TSPAN12: variants seen among roughly 807,000 people sequenced by gnomAD.
TSPAN12 encodes the protein tetraspanin-12.
In TSPAN12, 19 loss-of-function variants were observed where a neutral mutation model predicts 39.2. The observed-to-expected ratio is 0.49, with a 90% CI of 0.34 to 0.71. TSPAN12 has a LOEUF of 0.71. Among genes scored for constraint, TSPAN12 ranks in the 30% least tolerant of loss-of-function variants. The probability of loss-of-function intolerance (pLI) is 0.01; values close to 1 mark genes in which losing one functional copy is unlikely to be tolerated. For synonymous variants in TSPAN12, 119 were observed against 124.8 expected (o/e 0.95, Z 0.31); for missense variants, 314 against 359.9 (o/e 0.87, Z 1.03).
At chr7:120,795,611 G>C (rs1369634418) in intron 7 of TSPAN12, among the ~76,000 whole-genome samples, 1 of 152,108 alleles carries the variant, frequency 6.6e-6, no homozygotes, top group Non-Finnish European at 1.5e-5. Context: ...TAAAATCTAG[G>C]TGCCAATACA....
chr7:120,836,830 T>C (rs774882290), intron 4 of TSPAN12, among the ~76,000 whole-genome samples: 1 of 152,180 alleles, frequency 6.6e-6, no homozygotes, highest in Non-Finnish European at 1.5e-5. Context: ...CACATTACTT[T>C]GTTGTTTGTC....
chr7:120,799,893 A>T (rs1038243086), intron 7 of TSPAN12, among the ~76,000 whole-genome samples: 1 of 142,366 alleles, frequency 7.0e-6, no homozygotes, highest in East Asian at 2.0e-4. Flanking sequence ...AAATATTAAT[A>T]AATATTTAAT....
At chr7:120,854,013 ATAGT>A (rs2116512073) in intron 2 of TSPAN12, among the ~76,000 whole-genome samples, 1 of 152,340 alleles carries the variant, frequency 6.6e-6, no homozygotes, top group Non-Finnish European at 1.5e-5. Flanking sequence ...TAAATATGAA[ATAGT>A]TAATGAATAT....
chr7:120,825,211 A>G (rs977915232), intron 4 of TSPAN12, among the ~76,000 whole-genome samples: 1 of 152,202 alleles, frequency 6.6e-6, no homozygotes, highest in Non-Finnish European at 1.5e-5. Flanking sequence ...ATCCCCCTCA[A>G]TAAGAATCTG....
intron 7 of TSPAN12, among the ~76,000 whole-genome samples, chr7:120,791,905 G>A (rs538090871): frequency 6.6e-6 from 1 of 152,214 alleles, no homozygotes; most frequent in African/African-American, 2.4e-5. Flanking sequence ...AAAAGCACTT[G>A]TAGAGTGACA....
In TSPAN12 at chr7:120,805,299, A is replaced by G. The variant is rs116670993; in HGVS notation, c.612+1250T>C. On this transcript the variant is annotated intron_variant, in intron 7 of 7. Transcript: ENST00000222747. Reference sequence around the variant, plus strand: ...CAGCATTCTTTTAATTAATTACAACATCCAAATTAATTAATTTACAATATA... The same window carrying G: ...CAGCATTCTTTTAATTAATTACAACGTCCAAATTAATTAATTTACAATATA... Among the ~76,000 whole-genome samples the G allele has an allele frequency of 3.6e-3, 549 of 152,234 alleles. 2 individuals carry two copies. Among genetic ancestry groups the G allele is most frequent in the African/African-American group, 0.012 (518 of 41,560 alleles).
At chr7:120,828,620 GACA>G (rs1437455418) in intron 4 of TSPAN12, among the ~76,000 whole-genome samples, 4 of 145,934 alleles carry the variant, frequency 2.7e-5, no homozygotes, top group Non-Finnish European at 6.0e-5. Flanking sequence ...CTTAATAGAA[GACA>G]ACGATTGTTC....
chr7:120,818,281 G>T (rs1333515428), intron 4 of TSPAN12, among the ~76,000 whole-genome samples: 1 of 152,044 alleles, frequency 6.6e-6, no homozygotes, highest in Non-Finnish European at 1.5e-5. Context: ...TTTATTCTAT[G>T]GGTAATGCAA....
At chr7:120,854,871 A>T (rs1794841409) in intron 2 of TSPAN12, among the ~76,000 whole-genome samples, 1 of 152,178 alleles carries the variant, frequency 6.6e-6, no homozygotes, top group African/African-American at 2.4e-5. Flanking sequence ...GGCTGGAGAA[A>T]TAGGGAAGCA....
At chr7:120,847,748 A>G (rs1794699674) in intron 2 of TSPAN12, among the ~76,000 whole-genome samples, 1 of 152,206 alleles carries the variant, frequency 6.6e-6, no homozygotes, top group African/African-American at 2.4e-5. Context: ...ACTTTATAAT[A>G]GAACTCTTCA....
Position 120,830,556 on chromosome 7 carries a change from A to T in TSPAN12, c.285+8221T>A, listed in dbSNP as rs150032281. Among the ~76,000 whole-genome samples the T allele has an allele frequency of 5.7e-3, 865 of 152,244 alleles. 7 individuals carry two copies. The highest frequency in any genetic ancestry group is 7.9e-3 in the Non-Finnish European group (539 of 67,956). On this transcript the variant is annotated intron_variant, in intron 4 of 7. Transcript: ENST00000222747. Reference sequence around the variant, plus strand: ...GCCAATAACACACAATGGGAAATGGAAAGTATCTTCAATAAAGGGGAACAA... The same window carrying T: ...GCCAATAACACACAATGGGAAATGGTAAGTATCTTCAATAAAGGGGAACAA...
rs765576093 is a variant in TSPAN12, at chr7:120,856,780, G to A, written c.-17C>T. 1 of 1,613,966 alleles carries A rather than the reference G, an allele frequency of 6.2e-7. No homozygotes were observed. Among genetic ancestry groups the A allele is most frequent in the Non-Finnish European group, 8.5e-7 (1 of 1,179,970 alleles). Reference sequence around the variant, plus strand: ...TCTGGCCATTGTGAGCCCCGTAAGGGAGAAGCCCCATCCTTTCACCACATC... The same window carrying A: ...TCTGGCCATTGTGAGCCCCGTAAGGAAGAAGCCCCATCCTTTCACCACATC... On this transcript the variant is annotated 5_prime_UTR_variant, in exon 2 of 8. Coordinates refer to ENST00000222747, the MANE Select transcript of TSPAN12 (RefSeq NM_012338.4).
chr7:120,796,068 C>A (rs1793622997), intron 7 of TSPAN12, among the ~76,000 whole-genome samples: 1 of 151,854 alleles, frequency 6.6e-6, no homozygotes. Context: ...TCATTTTTAC[C>A]AAAAAAAATG....
chr7:120,837,122 C>T (rs1444217201), intron 4 of TSPAN12, among the ~76,000 whole-genome samples: 2 of 152,160 alleles, frequency 1.3e-5, no homozygotes, highest in East Asian at 3.9e-4. Flanking sequence ...TTATACTCTA[C>T]TCAAATTATA....
At chr7:120,810,770 T>C (rs570663073) in intron 5 of TSPAN12, among the ~76,000 whole-genome samples, 200 bp from the exon 6 acceptor site, 33 of 152,168 alleles carry the variant, frequency 2.2e-4, no homozygotes, top group Non-Finnish European at 3.2e-4. Context: ...ACAATCTCAA[T>C]GTATAGATTT....
chr7:120,811,612 G>A (rs1251320787), intron 5 of TSPAN12, among the ~76,000 whole-genome samples: 2 of 151,132 alleles, frequency 1.3e-5, no homozygotes, highest in Non-Finnish European at 2.9e-5. Context: ...GAAGGTTGCA[G>A]TGAGCCGAGA....
chr7:120,810,432 C>T (rs768935300), intron 6 of TSPAN12, 31 bp downstream of exon 6: 1 of 1,371,132 alleles, frequency 7.3e-7, no homozygotes, highest in Non-Finnish European at 1.0e-6. Flanking sequence ...ACTTACTTCA[C>T]TCTCTCTACC....
chr7:120,821,831 C>T (rs906999470), intron 4 of TSPAN12, among the ~76,000 whole-genome samples: 5 of 152,078 alleles, frequency 3.3e-5, no homozygotes, highest in Admixed American at 6.6e-5. Context: ...TATAAAATTG[C>T]TCATCCTCCT....
At chr7:120,789,500 A>G (rs965229088) in intron 7 of TSPAN12, among the ~76,000 whole-genome samples, 4 of 152,356 alleles carry the variant, frequency 2.6e-5, no homozygotes, top group Admixed American at 2.6e-4. Flanking sequence ...ATAGACATAC[A>G]TTCTGTGGGA....
Sources: allele counts gnomAD v4.1 joint callset (sites outside exome capture counted in the v4.1 genomes callset), GRCh38; gene constraint gnomAD v4.1.1; transcripts MANE v1.5; gene names NCBI Gene and HGNC (gene_info 2026-07-23, HGNC 2026-07-21).